The following VPS13D variants were observed in gnomAD, a reference collection of about 807,000 sequenced individuals.
VPS13D encodes the protein vacuolar protein sorting 13 homolog D, also known as intermembrane lipid transfer protein VPS13D.
In VPS13D, 187 loss-of-function variants were observed where a neutral mutation model predicts 461.9. The observed-to-expected ratio is 0.40, with a 90% CI of 0.36 to 0.46. The LOEUF (loss-of-function observed/expected upper bound fraction) is 0.46. Among genes scored for constraint, VPS13D ranks in the 20% least tolerant of loss-of-function variants. The pLI is 0.60. For synonymous variants in VPS13D, 1,951 were observed against 1,986.3 expected (o/e 0.98, Z 0.47); for missense variants, 4,711 against 5,364.9 (o/e 0.88, Z 3.81).
At chr1:12,484,185 G>T (rs554590308) in intron 67 of VPS13D, among the ~76,000 whole-genome samples, 1 of 152,316 alleles carries the variant, frequency 6.6e-6, no homozygotes, top group Admixed American at 6.5e-5. Context: ...TAAAAATCCT[G>T]CTGTGCCTGG....
intron 2 of VPS13D, among the ~76,000 whole-genome samples, chr1:12,237,686 G>T (rs1640201886): frequency 6.6e-6 from 1 of 151,256 alleles, no homozygotes; most frequent in African/African-American, 2.4e-5. Context: ...AATTAGCTGG[G>T]TGTTGTGGTG....
chr1:12,379,684 G>T (rs1010338908), intron 57 of VPS13D, 88 bp downstream of exon 57: 15 of 897,562 alleles, frequency 1.7e-5, no homozygotes, highest in Non-Finnish European at 2.6e-5. Context: ...ATGATGAATT[G>T]TTCAGTGGGA....
intron 60 of VPS13D, among the ~76,000 whole-genome samples, chr1:12,390,229 G>C (rs1644406663): frequency 6.6e-6 from 1 of 152,106 alleles, no homozygotes. Flanking sequence ...TTGATTCCTG[G>C]ACCTCTGAAT....
intron 67 of VPS13D, among the ~76,000 whole-genome samples, chr1:12,478,374 G>T (rs1645663779): frequency 6.6e-6 from 1 of 152,266 alleles, no homozygotes; most frequent in Non-Finnish European, 1.5e-5. Flanking sequence ...GATCTGAAAG[G>T]GGGAGGTTCT....
intron 60 of VPS13D, among the ~76,000 whole-genome samples, chr1:12,391,149 A>G (rs1022625692): frequency 1.3e-5 from 2 of 152,118 alleles, no homozygotes; most frequent in Non-Finnish European, 2.9e-5. Flanking sequence ...ACATCTGGCC[A>G]TTTCTTCTTC....
chr1:12,335,689 G>T lies in VPS13D; in HGVS notation c.8429-16G>T. On this transcript the variant is annotated splice_polypyrimidine_tract_variant and intron_variant, in intron 38 of 69. Transcript: ENST00000620676. ...CTTTTTTAGTTCTCTTAATATCTCT[G>T]GGGGATTCTTTCTAGACCAGTATGT... is the stretch of plus-strand genomic sequence containing the variant. 3.1e-6 allele frequency: 5 copies of T among 1,598,626 alleles called. No individual in the cohort carries two copies. Among genetic ancestry groups the T allele is most frequent in the Non-Finnish European group, 4.3e-6 (5 of 1,171,988 alleles).
At chr1:12,237,127 G>A (rs976162367) in intron 2 of VPS13D, among the ~76,000 whole-genome samples, 1 of 150,000 alleles carries the variant, frequency 6.7e-6, no homozygotes, top group African/African-American at 2.5e-5. Context: ...ATATCTGTGT[G>A]TGTATATATA....
chr1:12,353,835 A>G (rs1643863440), intron 46 of VPS13D, 139 bp from the exon 47 acceptor site: 1 of 863,786 alleles, frequency 1.2e-6, no homozygotes, highest in Non-Finnish European at 1.7e-6. Flanking sequence ...TATCTTAATA[A>G]ATGTATTTGG....
At chr1:12,352,281 A>G (rs1489741146) in intron 46 of VPS13D, among the ~76,000 whole-genome samples, 1 of 152,090 alleles carries the variant, frequency 6.6e-6, no homozygotes, top group Non-Finnish European at 1.5e-5. Context: ...ACAGAGCGAG[A>G]CTCTGTCTCA....
At chr1:12,480,992 C>T (rs1349869407) in intron 67 of VPS13D, among the ~76,000 whole-genome samples, 2 of 152,222 alleles carry the variant, frequency 1.3e-5, no homozygotes, top group African/African-American at 4.8e-5. Flanking sequence ...CTCTCCACCC[C>T]AAGGAACTTG....
chr1:12,263,309 A>G (rs1641172583), intron 13 of VPS13D, among the ~76,000 whole-genome samples: 1 of 152,200 alleles, frequency 6.6e-6, no homozygotes, highest in South Asian at 2.1e-4. Context: ...GCTTGTTCAC[A>G]GTGTGAGAGC....
At chr1:12,318,808 C>T (rs1019534627) in intron 31 of VPS13D, among the ~76,000 whole-genome samples, 4 of 152,104 alleles carry the variant, frequency 2.6e-5, no homozygotes, top group East Asian at 1.9e-4. Context: ...TGTTGACTAG[C>T]GAACTCATCT....
chr1:12,313,921 C>T (rs919506624), intron 29 of VPS13D, among the ~76,000 whole-genome samples, 194 bp from the exon 30 acceptor site: 1 of 152,168 alleles, frequency 6.6e-6, no homozygotes, highest in African/African-American at 2.4e-5. Context: ...AAAGTAAGAT[C>T]CAAGGCACAG....
chr1:12,249,544 T>C (rs373118492), intron 6 of VPS13D: 2 of 420,322 alleles, frequency 4.8e-6, no homozygotes, highest in Non-Finnish European at 8.4e-6. Flanking sequence ...CCTTTGGTTA[T>C]ATCACTTTCA....
intron 63 of VPS13D, among the ~76,000 whole-genome samples, chr1:12,411,112 C>T (rs1644721367): frequency 6.6e-6 from 1 of 152,032 alleles, no homozygotes; most frequent in Non-Finnish European, 1.5e-5. Context: ...TAAAATAAGT[C>T]AAGGATGATC....
chr1:12,419,836 T>C (rs1036704125), intron 65 of VPS13D, among the ~76,000 whole-genome samples: 21 of 152,202 alleles, frequency 1.4e-4, no homozygotes, highest in African/African-American at 4.6e-4. Context: ...GGTGATTTCA[T>C]TGCTGTGCGA....
Position 12,349,311 on chromosome 1 carries a change from C to T in VPS13D, c.9368C>T (p.Ala3123Val). 1 of 1,614,084 alleles carries T rather than the reference C, an allele frequency of 6.2e-7. No homozygotes were observed. Among genetic ancestry groups the T allele is most frequent in the Non-Finnish European group, 8.5e-7 (1 of 1,180,036 alleles). The change falls in exon 46 of 70, where the codon GCA (alanine) becomes GTA (valine). Residue 3123 changes from alanine to valine, a missense_variant. Physicochemically the swap from Ala to Val is moderately conservative, Grantham distance 64. Coordinates refer to ENST00000620676, the MANE Select transcript of VPS13D (RefSeq NM_015378.4). Reference protein sequence around the residue: ...PIHWTNVVKTAEISSSKRECH... With the variant: ...PIHWTNVVKTVEISSSKRECH... ...CATTGGACCAATGTAGTGAAGACTG[C>T]AGAAATTAGTAGCAGTAAACGAGAG...
At chr1:12,247,885 TA>T (rs1478279105) in intron 5 of VPS13D, among the ~76,000 whole-genome samples, 4 of 149,974 alleles carry the variant, frequency 2.7e-5, no homozygotes, top group Admixed American at 6.7e-5. Flanking sequence ...TGTATTTTTG[TA>T]TTTTTTTTTT....
chr1:12,330,583 T>G (rs1350463581), intron 37 of VPS13D, among the ~76,000 whole-genome samples: 1 of 152,174 alleles, frequency 6.6e-6, no homozygotes, highest in Non-Finnish European at 1.5e-5. Flanking sequence ...TTGTTTGTTT[T>G]TTGAGACCGA....
Sources: gnomAD v4.1 joint callset for allele counts (sites outside exome capture counted in the v4.1 genomes callset) on GRCh38, gnomAD v4.1.1 for gene constraint, MANE v1.5 for transcripts, NCBI Gene and HGNC (gene_info 2026-07-23, HGNC 2026-07-21) for gene names.